MCF2L2: variants seen among roughly 807,000 people sequenced by gnomAD.
MCF2L2 encodes the protein MCF.2 cell line derived transforming sequence-like 2.
Under a neutral mutation model 150.2 loss-of-function variants are expected in MCF2L2, and 102 were observed. That is an observed-to-expected ratio of 0.68 (90% CI 0.58 to 0.80). MCF2L2 has a LOEUF of 0.80. MCF2L2 is among the 30% of genes least tolerant of loss of function. The probability of loss-of-function intolerance (pLI) is 0.00; values close to 1 mark genes in which losing one functional copy is unlikely to be tolerated. For missense variants in MCF2L2, 1,256 were observed against 1,372.8 expected (o/e 0.91, Z 1.34); for synonymous variants, 465 against 491.3 (o/e 0.95, Z 0.71).
intron 15 of MCF2L2, chr3:183,253,209 C>T (rs1271623542): frequency 6.7e-6 from 1 of 149,000 alleles, no homozygotes; most frequent in Non-Finnish European, 1.5e-5. Context: ...GGGCGCGCGG[C>T]TGGGAGCCTC....
chr3:183,232,954 T>C (rs1170315344), intron 15 of MCF2L2, among the ~76,000 whole-genome samples: 4 of 152,196 alleles, frequency 2.6e-5, no homozygotes, highest in Admixed American at 2.6e-4. Context: ...TGCTCCTTGG[T>C]TCAGTAATTT....
At chr3:183,375,311 T>C (rs953249007) in intron 3 of MCF2L2, 3 of 152,208 alleles carry the variant, frequency 2.0e-5, no homozygotes, top group Non-Finnish European at 4.4e-5. Flanking sequence ...AGCTTGCTTC[T>C]TTCACTGCAT....
chr3:183,289,524 T>C (rs1165191043), intron 13 of MCF2L2, among the ~76,000 whole-genome samples: 1 of 152,162 alleles, frequency 6.6e-6, no homozygotes, highest in Non-Finnish European at 1.5e-5. Context: ...TAAAGAATAG[T>C]AGATTTTCTG....
chr3:183,425,707 G>GAGGCCA (rs1338712985), intron 1 of MCF2L2, among the ~76,000 whole-genome samples: 1 of 152,060 alleles, frequency 6.6e-6, no homozygotes. Context: ...CTCACTTTGG[G>GAGGCCA]AGGCCAAGGC....
At chr3:183,234,264 C>G (rs544808631) in intron 15 of MCF2L2, among the ~76,000 whole-genome samples, 1 of 152,268 alleles carries the variant, frequency 6.6e-6, no homozygotes, top group African/African-American at 2.4e-5. Context: ...CTTCAGGATG[C>G]ATTGACAATT....
chr3:183,274,568 T>G (rs16857233), intron 15 of MCF2L2, among the ~76,000 whole-genome samples: 3,917 of 152,126 alleles, frequency 0.026, 174 homozygotes, highest in African/African-American at 0.087. Context: ...GAATTATTTG[T>G]TTATGGTAGA....
At chr3:183,262,760 C>T (rs1725738151) in intron 15 of MCF2L2, among the ~76,000 whole-genome samples, 1 of 151,920 alleles carries the variant, frequency 6.6e-6, no homozygotes, top group African/African-American at 2.4e-5. Flanking sequence ...AGCATGGCCG[C>T]TGAAGAGACT....
At chr3:183,419,953 G>A (rs1173397996) in intron 1 of MCF2L2, among the ~76,000 whole-genome samples, 1 of 152,206 alleles carries the variant, frequency 6.6e-6, no homozygotes, top group East Asian at 1.9e-4. Context: ...CAAGTTCAAA[G>A]TTCTACAGAT....
At chr3:183,201,192 A>C (rs1451008164) in intron 25 of MCF2L2, among the ~76,000 whole-genome samples, 1 of 152,176 alleles carries the variant, frequency 6.6e-6, no homozygotes, top group Non-Finnish European at 1.5e-5. Flanking sequence ...TGGGGATGGC[A>C]TTGAATCTAT....
chr3:183,204,636 T>A (rs1225483314), intron 25 of MCF2L2, among the ~76,000 whole-genome samples: 1 of 152,152 alleles, frequency 6.6e-6, no homozygotes, highest in East Asian at 1.9e-4. Context: ...TACCATATGG[T>A]CTGGCAATTC....
In MCF2L2 at chr3:183,181,557, G is replaced by A. The variant is rs1446170537; in HGVS notation, c.3017-1398C>T. On this transcript the variant is annotated intron_variant, in intron 27 of 29. Coordinates refer to ENST00000328913, the MANE Select transcript of MCF2L2 (RefSeq NM_015078.4). The surrounding 1 kb of genome is among the most constrained non-coding windows in gnomAD (Gnocchi z 4.3). ...CTTGGGAGCATCTAAGGAAACCCAA[G>A]ACTCCTCTTTAGAGAAGTCATCCAG... 2.6e-5 allele frequency among the ~76,000 whole-genome samples: 4 copies of A among 152,146 alleles called. No homozygotes were observed. Among genetic ancestry groups the A allele is most frequent in the Non-Finnish European group, 5.9e-5 (4 of 68,004 alleles).
intron 3 of MCF2L2, among the ~76,000 whole-genome samples, chr3:183,359,812 C>A (rs1017109932): frequency 6.6e-6 from 1 of 152,174 alleles, no homozygotes; most frequent in Non-Finnish European, 1.5e-5. Context: ...AGACCTGACA[C>A]AACCTCTGGC....
intron 15 of MCF2L2, among the ~76,000 whole-genome samples, chr3:183,247,561 A>G: frequency 6.6e-6 from 1 of 152,232 alleles, no homozygotes; most frequent in East Asian, 1.9e-4. Flanking sequence ...TAACTCGGTA[A>G]TCTTCAGTAA....
chr3:183,294,345 TTTGTTG>T (rs370642645), intron 13 of MCF2L2, among the ~76,000 whole-genome samples: 3,001 of 151,550 alleles, frequency 0.02, 59 homozygotes, highest in East Asian at 0.051. Flanking sequence ...TTATGATGCA[TTTGTTG>T]TTGTTGTTGT....
intron 3 of MCF2L2, among the ~76,000 whole-genome samples, chr3:183,360,041 T>C (rs1275134038): frequency 6.6e-6 from 1 of 152,210 alleles, no homozygotes; most frequent in Non-Finnish European, 1.5e-5. Flanking sequence ...TGGTTCTGAA[T>C]CAAGCCGATT....
At chr3:183,415,034 C>T (rs775036311) in intron 1 of MCF2L2, among the ~76,000 whole-genome samples, 2 of 152,140 alleles carry the variant, frequency 1.3e-5, no homozygotes, top group Admixed American at 6.5e-5. Context: ...GTATATTCTG[C>T]TGTTGTTGAA....
At chr3:183,340,939 T>A (rs1730672365) in intron 4 of MCF2L2, among the ~76,000 whole-genome samples, 1 of 152,158 alleles carries the variant, frequency 6.6e-6, no homozygotes, top group Non-Finnish European at 1.5e-5. Context: ...TGAGACACTG[T>A]TTCAAAAATA....
chr3:183,380,648 C>T (rs1217192269), intron 2 of MCF2L2, among the ~76,000 whole-genome samples: 2 of 152,146 alleles, frequency 1.3e-5, no homozygotes, highest in African/African-American at 2.4e-5. Context: ...GTGATCCACC[C>T]GCCTCGGCCT....
intron 15 of MCF2L2, chr3:183,253,770 A>C (rs569700275): frequency 2.0e-4 from 30 of 152,500 alleles, no homozygotes; most frequent in African/African-American, 7.0e-4. Flanking sequence ...CGAGGCCAGC[A>C]CAGTCCGCCT....
Sources: gnomAD v4.1 joint callset for allele counts (sites outside exome capture counted in the v4.1 genomes callset) on GRCh38, gnomAD v4.1.1 for gene constraint, Gnocchi (gnomAD v3.1) non-coding constraint, MANE v1.5 for transcripts, NCBI Gene and HGNC (gene_info 2026-07-23, HGNC 2026-07-21) for gene names.